GMDS: variants seen among roughly 807,000 people sequenced by gnomAD.
The protein encoded by GMDS is GDP-mannose 4,6-dehydratase.
In GMDS, 20 loss-of-function variants were observed where a neutral mutation model predicts 49.9. The ratio of observed to expected loss-of-function variants is 0.40; its 90% confidence interval spans 0.28 to 0.58. The LOEUF is 0.58. Ranked by LOEUF, GMDS falls within the 20% of genes least tolerant of loss-of-function variation. The pLI is 0.42. For synonymous variants in GMDS, 177 were observed against 178.6 expected (o/e 0.99, Z 0.07); for missense variants, 362 against 481.4 (o/e 0.75, Z 2.32).
chr6:1,987,172 A>T (rs1002195085), intron 4 of GMDS, among the ~76,000 whole-genome samples: 2 of 152,240 alleles, frequency 1.3e-5, no homozygotes, highest in Admixed American at 6.5e-5. Context: ...ACCAGAGAAC[A>T]TTAGTATGAA....
intron 4 of GMDS, among the ~76,000 whole-genome samples, chr6:2,014,121 C>G (rs1414128020): frequency 7.2e-6 from 1 of 138,730 alleles, no homozygotes; most frequent in Non-Finnish European, 1.6e-5. Context: ...TATCCCCCCC[C>G]CCCAAAAAAA....
intron 4 of GMDS, among the ~76,000 whole-genome samples, chr6:2,063,285 G>A (rs1771301480): frequency 6.6e-6 from 1 of 152,180 alleles, no homozygotes; most frequent in Admixed American, 6.5e-5. Flanking sequence ...TGGTACTTCT[G>A]GTACTGAAGA....
chr6:2,007,115 G>C (rs545293477), intron 4 of GMDS, among the ~76,000 whole-genome samples: 131 of 152,238 alleles, frequency 8.6e-4, no homozygotes, highest in African/African-American at 3.0e-3. Context: ...TGATGAGGTG[G>C]AATAATTGTA....
intron 6 of GMDS, among the ~76,000 whole-genome samples, chr6:1,948,786 A>T (rs1251243395): frequency 1.3e-5 from 2 of 152,204 alleles, no homozygotes; most frequent in Non-Finnish European, 2.9e-5. Context: ...TTCAAATGTT[A>T]ACTGGTTTAC....
At chr6:1,816,147 G>A (rs1296153936) in intron 7 of GMDS, among the ~76,000 whole-genome samples, 1 of 152,178 alleles carries the variant, frequency 6.6e-6, no homozygotes, top group African/African-American at 2.4e-5. Flanking sequence ...AGGGTAGGCG[G>A]TAGAGGGTGG....
At chr6:2,220,673 T>C (rs1198082187) in intron 1 of GMDS, among the ~76,000 whole-genome samples, 2 of 152,104 alleles carry the variant, frequency 1.3e-5, no homozygotes, top group Non-Finnish European at 2.9e-5. Context: ...GTTTAAGGTA[T>C]ATATGAAGAT....
intron 1 of GMDS, among the ~76,000 whole-genome samples, chr6:2,194,566 ATTTC>A (rs1312139756): frequency 2.6e-5 from 4 of 152,210 alleles, no homozygotes; most frequent in Admixed American, 1.3e-4. Context: ...CACATCTCTA[ATTTC>A]TTTATCATTA....
chr6:1,649,886 G>A (rs760185799), intron 9 of GMDS, among the ~76,000 whole-genome samples: 2 of 152,224 alleles, frequency 1.3e-5, no homozygotes, highest in Non-Finnish European at 2.9e-5. Flanking sequence ...GGTGGCCAGT[G>A]CCTGGCTTCA....
At chr6:1,931,348 C>T (rs1762275849) in intron 6 of GMDS, among the ~76,000 whole-genome samples, 3 of 152,156 alleles carry the variant, frequency 2.0e-5, no homozygotes, top group Admixed American at 2.0e-4. Flanking sequence ...AAGAACGTGG[C>T]TTAGCGCAAG....
chr6:1,843,113 T>TAAAATAAAAC (rs1285052086), intron 7 of GMDS, among the ~76,000 whole-genome samples: 5 of 147,698 alleles, frequency 3.4e-5, no homozygotes, highest in African/African-American at 1.2e-4. Context: ...CTGCATCAAA[T>TAAAATAAAAC]AAAATAAAAT....
At chr6:2,136,279 T>C (rs1775994943) in intron 1 of GMDS, among the ~76,000 whole-genome samples, 1 of 152,256 alleles carries the variant, frequency 6.6e-6, no homozygotes, top group Non-Finnish European at 1.5e-5. Flanking sequence ...TTCATAAAAC[T>C]GATCATTGAA....
At chr6:1,890,895 T>C (rs955167687) in intron 7 of GMDS, among the ~76,000 whole-genome samples, 1 of 152,234 alleles carries the variant, frequency 6.6e-6, no homozygotes. Flanking sequence ...ATGTGAACAG[T>C]TGATGCCTCA....
intron 1 of GMDS, among the ~76,000 whole-genome samples, chr6:2,205,807 T>C (rs1042918652): frequency 6.6e-6 from 1 of 152,070 alleles, no homozygotes; most frequent in South Asian, 2.1e-4. Flanking sequence ...TAGGCTTTTG[T>C]GTGTAAGTGT....
intron 6 of GMDS, among the ~76,000 whole-genome samples, chr6:1,945,168 G>T (rs73716903): frequency 0.011 from 1,608 of 152,126 alleles, 31 homozygotes; most frequent in African/African-American, 0.037. Flanking sequence ...TAATACTAAG[G>T]AATGAAAAAT....
chr6:1,731,258 T>C (rs780344847), intron 8 of GMDS, among the ~76,000 whole-genome samples: 5 of 152,144 alleles, frequency 3.3e-5, no homozygotes, highest in African/African-American at 4.8e-5. Flanking sequence ...CTCAGGGCAG[T>C]CAGTATAACA....
chr6:1,985,925 G>A (rs2127354006), intron 4 of GMDS, among the ~76,000 whole-genome samples: 1 of 152,286 alleles, frequency 6.6e-6, no homozygotes, highest in African/African-American at 2.4e-5. Flanking sequence ...CCTGGCACTA[G>A]TGGTATTTGG....
chr6:1,698,358 C>T (rs1246592835), intron 9 of GMDS, among the ~76,000 whole-genome samples: 3 of 152,220 alleles, frequency 2.0e-5, no homozygotes, highest in Admixed American at 2.0e-4. Context: ...TAAACGCAAA[C>T]CTGGTTTCCC....
chr6:1,822,523 G>C (rs1770942455), intron 7 of GMDS, among the ~76,000 whole-genome samples: 1 of 152,098 alleles, frequency 6.6e-6, no homozygotes, highest in African/African-American at 2.4e-5. Context: ...ACAATACATA[G>C]TCATGAGATA....
At chr6:1,744,816 C>A (rs1415570232) in intron 7 of GMDS, among the ~76,000 whole-genome samples, 2 of 152,240 alleles carry the variant, frequency 1.3e-5, no homozygotes, top group African/African-American at 4.8e-5. Flanking sequence ...CTCTCTAGGT[C>A]CCGGACCAGG....
Sources: allele counts gnomAD v4.1 joint callset (sites outside exome capture counted in the v4.1 genomes callset), GRCh38; gene constraint gnomAD v4.1.1; transcripts MANE v1.5; gene names NCBI Gene and HGNC (gene_info 2026-07-23, HGNC 2026-07-21).